ANKRD17: variants seen among roughly 807,000 people sequenced by gnomAD.
ANKRD17 encodes the protein ankyrin repeat domain-containing protein 17.
A neutral mutation model predicts 229.7 loss-of-function variants in ANKRD17; 19 were observed. The ratio of observed to expected loss-of-function variants is 0.08; its 90% CI spans 0.06 to 0.12. The LOEUF (loss-of-function observed/expected upper bound fraction) is 0.12. Among genes scored for constraint, ANKRD17 ranks in the 10% least tolerant of loss-of-function variants. The pLI is 1.00. For missense variants in ANKRD17, 2,176 were observed against 3,176.8 expected (o/e 0.68, Z 7.57); for synonymous variants, 1,112 against 1,146.1 (o/e 0.97, Z 0.60).
At position 73,102,410 on chromosome 4, in the gene ANKRD17, T is replaced by C; in HGVS notation, c.4539A>G (p.Gln1513=). 1 of 1,599,080 alleles carries C rather than the reference T, an allele frequency of 6.3e-7. No homozygotes were observed. The highest frequency in any genetic ancestry group is 1.2e-5 in the South Asian group (1 of 85,888). Residue 1513 remains glutamine, a synonymous_variant, in exon 25 of 34, where the codon CAA becomes CAG. Transcript: ENST00000358602. Reference sequence around the variant, plus strand: ...TAAGCTTTTCTTTTTCTTGAGCAGCTTGGAGTTCAAAGTTCTCTTTATTTT... The same window carrying C: ...TAAGCTTTTCTTTTTCTTGAGCAGCCTGGAGTTCAAAGTTCTCTTTATTTT... ...EAKNKENFEL[Q]AAQEKEKLKV...
At chr4:73,096,262 A>G (rs773270207) in intron 27 of ANKRD17, among the ~76,000 whole-genome samples, 4 of 152,234 alleles carry the variant, frequency 2.6e-5, no homozygotes, top group African/African-American at 4.8e-5. Context: ...ACAGTATTAA[A>G]TGCATATACA....
rs111961579 is a variant in ANKRD17, at chr4:73,240,806, CTTTT to C, written c.393+17466_393+17469del. On this transcript the variant is annotated intron_variant, in intron 1 of 33. Coordinates refer to ENST00000358602, the MANE Select transcript of ANKRD17 (RefSeq NM_032217.5). The stretch of plus-strand genomic sequence containing the variant: ...AGCTTATATAAATTCAGTACTTATT[CTTTT>C]TTTTTTTTTTTTTTTTGGAGATGAG... Among the ~76,000 whole-genome samples, 8 of 127,032 alleles carry C rather than the reference CTTTT, an allele frequency of 6.3e-5. No homozygotes were observed. The East Asian group carries it at 8.7e-4, about 14-fold the overall frequency. The allele number at this position is 127,032 out of a possible 152,430, so 83.3% of individuals were successfully genotyped here. A position where few individuals can be genotyped will look rare whatever the true frequency, so the allele number is the denominator to read the frequency against.
intron 1 of ANKRD17, among the ~76,000 whole-genome samples, chr4:73,186,417 AAAT>A (rs910299170): frequency 9.2e-5 from 14 of 152,124 alleles, no homozygotes; most frequent in Non-Finnish European, 1.2e-4. Flanking sequence ...AGATTATAGT[AAAT>A]AAAACTAAAG....
chr4:73,108,091 G>A (rs2148636478), intron 24 of ANKRD17, among the ~76,000 whole-genome samples: 1 of 152,236 alleles, frequency 6.6e-6, no homozygotes, highest in East Asian at 1.9e-4. Context: ...GACCTCCCCA[G>A]GCTCAGGTGA....
In ANKRD17 at chr4:73,161,281, T is replaced by C. The variant is rs373604183; in HGVS notation, c.615A>G (p.Thr205=). 57 of 1,614,122 alleles carry C rather than the reference T, an allele frequency of 3.5e-5. No homozygotes were observed. In the Middle Eastern group the frequency reaches 9.9e-4, roughly 28 times the overall value. ...CATCCAACGCACAACTAACAGACGA[T>C]GTCAACCTCCGAAGTACTTCAGGAT... ...FADPEVLRRL[T]SSVSCALDEA... The change falls in exon 3 of 34, where the codon ACA becomes ACG. Residue 205 remains threonine (T), a synonymous_variant. Coordinates refer to ENST00000358602, the MANE Select transcript of ANKRD17 (RefSeq NM_032217.5).
chr4:73,179,518 A>ATTTTTTTTT (rs56182757), intron 1 of ANKRD17, among the ~76,000 whole-genome samples: 773 of 40,758 alleles, frequency 0.019, 67 homozygotes, highest in East Asian at 0.07. Flanking sequence ...ATATATATAT[A>ATTTTTTTTT]TTTTTTTTTT....
intron 6 of ANKRD17, among the ~76,000 whole-genome samples, chr4:73,151,952 A>G (rs1731050531): frequency 6.6e-6 from 1 of 152,200 alleles, no homozygotes; most frequent in Non-Finnish European, 1.5e-5. Context: ...CCTAACTCAG[A>G]AACACTTTAG....
chr4:73,255,644 A>C (rs1010404422), intron 1 of ANKRD17, among the ~76,000 whole-genome samples: 2 of 152,184 alleles, frequency 1.3e-5, no homozygotes, highest in African/African-American at 4.8e-5. Context: ...TACTTTGATC[A>C]AAAGATGAAG....
chr4:73,194,822 T>C (rs1750088811), intron 1 of ANKRD17, among the ~76,000 whole-genome samples: 2 of 152,144 alleles, frequency 1.3e-5, no homozygotes, highest in African/African-American at 4.8e-5. Flanking sequence ...TATTTTTTCA[T>C]GTATTTAGGT....
rs750516279 is a variant in ANKRD17 at position 73,139,591 on chromosome 4, C to T, written c.3025G>A (p.Gly1009Arg). The change falls in exon 15 of 34, where the codon GGG becomes AGG. Residue 1009 changes from glycine (G) to arginine (R), a missense_variant. Physicochemically the swap from Gly to Arg is moderately radical, Grantham distance 125. Transcript: ENST00000358602. ...TGAGCAGGGCTGGCTACCATTAACC[C>T]TTGTTGTGTTTCTGTCAGAATTCCT... ...GQGILTETQQ[G>R]LMVASPAQTL... is the part of the protein sequence containing the mutation. The T allele has an allele frequency of 2.5e-6, 4 of 1,614,170 alleles. No homozygotes were observed. In the Admixed American group the frequency reaches 6.7e-5, roughly 27 times the overall value.
Position 73,098,496 on chromosome 4 carries a change from G to A in ANKRD17, c.4598C>T (p.Pro1533Leu), listed in dbSNP as rs1282399872. Residue 1533 changes from proline (P) to leucine (L), a missense_variant, in exon 26 of 34, where the codon CCT (proline) becomes CTT (leucine). Physicochemically the swap from Pro to Leu is moderately conservative, Grantham distance 98. Transcript: ENST00000358602. ...VEDEPEVLTE[P>L]PSATTTTTIG... Reference sequence around the variant, plus strand: ...GGTAGTAGTGGTTGTGGCACTTGGAGGTTCTGTCAAGACTTCAGGCTCATC... The same window carrying A: ...GGTAGTAGTGGTTGTGGCACTTGGAAGTTCTGTCAAGACTTCAGGCTCATC... 1.9e-6 allele frequency: 3 copies of A among 1,613,150 alleles called. No homozygotes were observed. Among genetic ancestry groups the A allele is most frequent in the Non-Finnish European group, 2.5e-6 (3 of 1,179,828 alleles).
intron 1 of ANKRD17, among the ~76,000 whole-genome samples, chr4:73,191,483 CAAG>C (rs1420990537): frequency 6.7e-6 from 1 of 150,260 alleles, no homozygotes; most frequent in East Asian, 2.0e-4. Context: ...ATTTTGTAGA[CAAG>C]AAAGCTTTTC....
chr4:73,103,665 A>C (rs1391688338), intron 24 of ANKRD17, among the ~76,000 whole-genome samples: 2 of 152,220 alleles, frequency 1.3e-5, no homozygotes, highest in Admixed American at 1.3e-4. Flanking sequence ...GTGTCAAAAC[A>C]ATGTCAGTTA....
At chr4:73,220,474 T>A (rs1338462618) in intron 1 of ANKRD17, among the ~76,000 whole-genome samples, 2 of 152,136 alleles carry the variant, frequency 1.3e-5, no homozygotes, top group Non-Finnish European at 2.9e-5. Flanking sequence ...AATTTTATTA[T>A]ACATTTTAGA....
chr4:73,242,604 C>A (rs1289164238), intron 1 of ANKRD17, among the ~76,000 whole-genome samples: 2 of 152,118 alleles, frequency 1.3e-5, no homozygotes, highest in Non-Finnish European at 2.9e-5. Context: ...GATTCTAAAG[C>A]ATGTCTGACA....
chr4:73,156,291 G>A (rs1731647917), intron 3 of ANKRD17, 125 bp from the exon 4 acceptor site: 1 of 1,198,502 alleles, frequency 8.3e-7, no homozygotes. Context: ...TGTCACCCAG[G>A]AGGGGGTACA....
intron 18 of ANKRD17, among the ~76,000 whole-genome samples, chr4:73,123,190 C>G (rs1291137846): frequency 6.6e-6 from 1 of 151,898 alleles, no homozygotes; most frequent in East Asian, 1.9e-4. Context: ...ATCTTCTTGA[C>G]TCAATATTGA....
chr4:73,176,706 A>C (rs986987764), intron 2 of ANKRD17, among the ~76,000 whole-genome samples: 6 of 152,168 alleles, frequency 3.9e-5, no homozygotes, highest in African/African-American at 1.4e-4. Flanking sequence ...AAAATAACTA[A>C]AAAAGTATAA....
intron 1 of ANKRD17, 60 bp from the exon 2 acceptor site, chr4:73,177,593 G>A: frequency 1.5e-6 from 2 of 1,331,932 alleles, no homozygotes; most frequent in Non-Finnish European, 2.1e-6. Flanking sequence ...AGGAAAAGAG[G>A]GGAGAGAAAT....
Sources: gnomAD v4.1 joint callset for allele counts (sites outside exome capture counted in the v4.1 genomes callset) on GRCh38, gnomAD v4.1.1 for gene constraint, MANE v1.5 for transcripts, NCBI Gene and HGNC (gene_info 2026-07-23, HGNC 2026-07-21) for gene names.